The following PLCXD3 variants were observed in gnomAD, a reference collection of about 807,000 sequenced individuals.
PLCXD3 encodes the protein PI-PLC X domain-containing protein 3.
Under a neutral mutation model 25.5 loss-of-function variants are expected in PLCXD3, and 19 were observed. The observed-to-expected ratio is 0.75, with a 90% CI of 0.52 to 1.09. The LOEUF (loss-of-function observed/expected upper bound fraction) is 1.09. Ranked by LOEUF, PLCXD3 falls within the 50% of genes least tolerant of loss-of-function variation. The probability of loss-of-function intolerance (pLI) is 0.00; values close to 1 mark genes in which losing one functional copy is unlikely to be tolerated. For synonymous variants in PLCXD3, 174 were observed against 137.6 expected (o/e 1.26, Z -1.85); for missense variants, 411 against 388.1 (o/e 1.06, Z -0.50).
chr5:41,476,936 G>A (rs1432248775), intron 1 of PLCXD3, among the ~76,000 whole-genome samples: 1 of 152,194 alleles, frequency 6.6e-6, no homozygotes, highest in Non-Finnish European at 1.5e-5. Flanking sequence ...ATCTTCCACT[G>A]CCTTTGAGAT....
rs1265822585 is a variant in PLCXD3, at chr5:41,308,252, T to C, written c.*5365A>G. The C allele has an allele frequency of 6.6e-6, 1 of 152,136 alleles. No homozygotes were observed. Among genetic ancestry groups the C allele is most frequent in the Non-Finnish European group, 1.5e-5 (1 of 68,020 alleles). 9.4% of individuals were successfully genotyped at this position (152,136 alleles called of 1,614,324 possible). On this transcript the variant is annotated 3_prime_UTR_variant, in exon 3 of 3. Transcript: ENST00000377801. Reference sequence around the variant, plus strand: ...GATTTAGGAAAAAATATATAGGACATACCCAGTTACATTTGAATTTCAGAT... The same window carrying C: ...GATTTAGGAAAAAATATATAGGACACACCCAGTTACATTTGAATTTCAGAT...
At chr5:41,472,428 C>G (rs1340538932) in intron 1 of PLCXD3, among the ~76,000 whole-genome samples, 3 of 152,088 alleles carry the variant, frequency 2.0e-5, no homozygotes, top group Non-Finnish European at 2.9e-5. Context: ...TTCCTGGCTA[C>G]AAAACCCAGC....
chr5:41,446,967 T>C (rs1454831476), intron 1 of PLCXD3, among the ~76,000 whole-genome samples: 7 of 152,244 alleles, frequency 4.6e-5, no homozygotes, highest in Non-Finnish European at 1.0e-4. Context: ...GATGCTGTAA[T>C]AATTGTTCAA....
At position 41,324,510 on chromosome 5, in the gene PLCXD3, A is replaced by G. The variant is rs1180433190; in HGVS notation, c.813-10740T>C. 2.0e-5 allele frequency among the ~76,000 whole-genome samples: 3 copies of G among 152,196 alleles called. No homozygotes were observed. The East Asian group carries it at 5.8e-4, about 29-fold the overall frequency. The stretch of plus-strand genomic sequence containing the variant: ...ACCTAAATGGCCCAATGCCTTTAGG[A>G]AATAGAGCAGCAGGTGGAGACATTT... On this transcript the variant is annotated intron_variant, in intron 2 of 2. Transcript: ENST00000377801.
Position 41,310,007 on chromosome 5 carries a change from T to C in PLCXD3, c.*3610A>G, listed in dbSNP as rs1743085637. Reference sequence around the variant, plus strand: ...GTATATGTGTGTGAAATGTGCATTCTGTGTGTGTGTGTAATGTGTGTATGT... The same window carrying C: ...GTATATGTGTGTGAAATGTGCATTCCGTGTGTGTGTGTAATGTGTGTATGT... On this transcript the variant is annotated 3_prime_UTR_variant, in exon 3 of 3. Coordinates refer to ENST00000377801, the MANE Select transcript of PLCXD3 (RefSeq NM_001005473.3). 6.6e-6 allele frequency: 1 copy of C among 151,812 alleles called. No homozygotes were observed. Among genetic ancestry groups the C allele is most frequent in the East Asian group, 1.9e-4 (1 of 5,180 alleles). 9.4% of individuals were successfully genotyped at this position (151,812 alleles called of 1,614,324 possible). A position where few individuals can be genotyped will look rare whatever the true frequency, so the allele number is the denominator to read the frequency against.
At chr5:41,507,256 A>C (rs1382387345) in intron 1 of PLCXD3, among the ~76,000 whole-genome samples, 1 of 152,216 alleles carries the variant, frequency 6.6e-6, no homozygotes, top group Non-Finnish European at 1.5e-5. Flanking sequence ...AGTGAAGGGC[A>C]GTATCATTCA....
rs1743360772 is a variant in PLCXD3, at chr5:41,318,326, C to T, written c.813-4556G>A. Among the ~76,000 whole-genome samples, 2 of 152,108 alleles carry T rather than the reference C, an allele frequency of 1.3e-5. 1 individual carries two copies. The highest frequency in any genetic ancestry group is 1.3e-4 in the Admixed American group (2 of 15,270). ...CACTGCCACTGTGGTATGTAAACTACTCTTATCCTTAGTAGAAAGACTAAA... is the reference window on the plus strand; with the variant it reads ...CACTGCCACTGTGGTATGTAAACTATTCTTATCCTTAGTAGAAAGACTAAA... On this transcript the variant is annotated intron_variant, in intron 2 of 2. Transcript: ENST00000377801.
chr5:41,486,260 A>G (rs992634233), intron 1 of PLCXD3, among the ~76,000 whole-genome samples: 5 of 151,504 alleles, frequency 3.3e-5, no homozygotes, highest in Non-Finnish European at 2.9e-5. Context: ...TATCTCTGTC[A>G]ATATATATTA....
chr5:41,477,725 C>T (rs889789273), intron 1 of PLCXD3, among the ~76,000 whole-genome samples: 3 of 152,222 alleles, frequency 2.0e-5, no homozygotes, highest in Admixed American at 6.5e-5. Flanking sequence ...TCTGAAGAGG[C>T]TGTCCTATAT....
chr5:41,491,146 A>T (rs953359357), intron 1 of PLCXD3, among the ~76,000 whole-genome samples: 1 of 152,060 alleles, frequency 6.6e-6, no homozygotes, highest in Non-Finnish European at 1.5e-5. Context: ...CTTTGTTCTC[A>T]TTGGTTTCAA....
intron 1 of PLCXD3, among the ~76,000 whole-genome samples, chr5:41,438,203 A>G (rs2150510775): frequency 6.6e-6 from 1 of 152,328 alleles, no homozygotes; most frequent in Middle Eastern, 3.4e-3. Flanking sequence ...GAAGAAAATT[A>G]AATTGCTCAC....
At chr5:41,390,357 A>AT (rs1266887875) in intron 1 of PLCXD3, among the ~76,000 whole-genome samples, 6 of 152,062 alleles carry the variant, frequency 3.9e-5, no homozygotes, top group Admixed American at 1.3e-4. Context: ...TTTCTCTTTC[A>AT]TTATTATTGC....
intron 1 of PLCXD3, among the ~76,000 whole-genome samples, chr5:41,439,137 G>A (rs318060): frequency 0.88 from 133,611 of 152,144 alleles, 59,046 homozygotes; most frequent in Middle Eastern, 0.94. Flanking sequence ...GGTATCCTGC[G>A]CCTCCTCTGA....
intron 2 of PLCXD3, among the ~76,000 whole-genome samples, chr5:41,348,639 T>G (rs962053963): frequency 7.2e-5 from 11 of 151,994 alleles, no homozygotes; most frequent in Admixed American, 1.3e-4. Context: ...TACTGAGTTT[T>G]TTTGTTTGTT....
chr5:41,381,314 A>G (rs1223579367), intron 2 of PLCXD3, among the ~76,000 whole-genome samples: 3 of 152,162 alleles, frequency 2.0e-5, no homozygotes, highest in African/African-American at 7.2e-5. Context: ...TCTGTGGTCC[A>G]CAAAAATACA....
chr5:41,465,272 T>C (rs1176346526), intron 1 of PLCXD3, among the ~76,000 whole-genome samples: 2 of 150,994 alleles, frequency 1.3e-5, no homozygotes, highest in East Asian at 3.9e-4. Flanking sequence ...ATTGGCTATG[T>C]AGCACTGTAG....
intron 1 of PLCXD3, among the ~76,000 whole-genome samples, chr5:41,461,822 C>A (rs1156824933): frequency 3.9e-5 from 6 of 151,998 alleles, no homozygotes; most frequent in African/African-American, 1.4e-4. Flanking sequence ...AGCCCCCTCA[C>A]TCCCATCCCA....
At chr5:41,313,934 T>G (rs987027670) in intron 2 of PLCXD3, among the ~76,000 whole-genome samples, 164 bp from the exon 3 acceptor site, 32 of 152,190 alleles carry the variant, frequency 2.1e-4, no homozygotes, top group African/African-American at 7.7e-4. Flanking sequence ...TTTTTTAACC[T>G]TTGAAGAAAC....
chr5:41,434,052 CTT>C (rs1747177876), intron 1 of PLCXD3, among the ~76,000 whole-genome samples: 1 of 152,236 alleles, frequency 6.6e-6, no homozygotes, highest in East Asian at 1.9e-4. Flanking sequence ...GAGCCATTCA[CTT>C]CTAACCCACT....
Sources: allele counts gnomAD v4.1 joint callset (sites outside exome capture counted in the v4.1 genomes callset), GRCh38; gene constraint gnomAD v4.1.1; transcripts MANE v1.5; gene names NCBI Gene and HGNC (gene_info 2026-07-23, HGNC 2026-07-21).